The following ZNF728 variants were observed in gnomAD, a reference collection of about 807,000 sequenced individuals.
ZNF728 encodes the protein zinc finger protein 728.
ZNF728 carries 12 observed loss-of-function variants against 12.5 expected under a neutral mutation model. The observed-to-expected ratio is 0.96, with a 90% confidence interval of 0.61 to 1.55. The LOEUF is 1.55. ZNF728 is among the 40% of genes most tolerant of loss of function. The probability of loss-of-function intolerance (pLI) is 0.00; values close to 1 mark genes in which losing one functional copy is unlikely to be tolerated. For synonymous variants in ZNF728, 205 were observed against 240.7 expected, an observed-to-expected ratio of 0.85 and a Z score of 1.37; for missense variants, 692 against 719.2, an observed-to-expected ratio of 0.96 and a Z score of 0.43.
chr19:22,975,940 C>G lies in ZNF728; in HGVS notation c.1397G>C (p.Ser466Thr). The change falls in exon 4 of 4, where the codon AGC becomes ACC. Residue 466 changes from serine (S) to threonine (T), a missense_variant. Physicochemically the swap from Ser to Thr is moderately conservative, Grantham distance 58. This residue lies in a region of ZNF728 where 244 missense variants were observed against 235.2 expected (regional missense o/e 1.04). Coordinates refer to ENST00000594710, the MANE Select transcript of ZNF728 (RefSeq NM_001267716.2). Reference protein sequence around the residue: ...ECGKVFSWSSSLTTHKAIHAG... With the variant: ...ECGKVFSWSSTLTTHKAIHAG... ...ATGAATTGCCTTATGTGTAGTAAGG[C>G]TTGAGGACCAGCTGAAGACTTTGCC... is the stretch of plus-strand genomic sequence containing the variant. 6.2e-7 allele frequency: 1 copy of G among 1,603,936 alleles called. No homozygotes were observed. Among genetic ancestry groups the G allele is most frequent in the Non-Finnish European group, 8.5e-7 (1 of 1,173,734 alleles).
At chr19:22,979,336 A>G (rs1293212416) in intron 3 of ZNF728, among the ~76,000 whole-genome samples, 2 of 152,186 alleles carry the variant, frequency 1.3e-5, no homozygotes, top group African/African-American at 4.8e-5. Context: ...AAAGAAATGA[A>G]CAAAGCCTCC....
chr19:22,985,947 C>T (rs1968911840), intron 3 of ZNF728: 1 of 169,720 alleles, frequency 5.9e-6, no homozygotes, highest in African/African-American at 2.4e-5. Flanking sequence ...AGAAACCTGC[C>T]CTAGCATCTA....
intron 1 of ZNF728, among the ~76,000 whole-genome samples, chr19:22,997,897 A>G (rs1969065932): frequency 6.6e-6 from 1 of 152,116 alleles, no homozygotes; most frequent in Non-Finnish European, 1.5e-5. Flanking sequence ...TTCAAAGGAC[A>G]CAAATGTGGC....
At chr19:22,997,898 C>A (rs399132) in intron 1 of ZNF728, among the ~76,000 whole-genome samples, 46,288 of 151,566 alleles carry the variant, frequency 0.31, 9,127 homozygotes, top group African/African-American at 0.57. Flanking sequence ...TCAAAGGACA[C>A]AAATGTGGCT....
intron 3 of ZNF728, among the ~76,000 whole-genome samples, chr19:22,984,825 A>C (rs1968898796): frequency 1.3e-5 from 2 of 152,020 alleles, no homozygotes; most frequent in African/African-American, 4.8e-5. Context: ...AGTTCCCAAC[A>C]ATCTTAAAAT....
At position 22,976,070 on chromosome 19, in the gene ZNF728, G is replaced by T. The variant is rs1399842680; in HGVS notation, c.1267C>A (p.Pro423Thr). Reference sequence around the variant, plus strand: ...TTGCCACATTCTTCACATTTGTAGGGTTTCTCTCCAGTATGAATTATCTTA... The same window carrying T: ...TTGCCACATTCTTCACATTTGTAGGTTTTCTCTCCAGTATGAATTATCTTA... ...KHKIIHTGEK[P>T]YKCEECGKAF... is the part of the protein sequence containing the mutation. Residue 423 changes from proline (P) to threonine (T), a missense_variant, in exon 4 of 4, where the codon CCC becomes ACC. Transcript: ENST00000594710. 8.1e-6 allele frequency: 13 copies of T among 1,612,268 alleles called. No individual in the cohort carries two copies. The highest frequency in any genetic ancestry group is 1.3e-5 in the African/African-American group (1 of 74,994).
intron 3 of ZNF728, among the ~76,000 whole-genome samples, chr19:22,978,615 C>T (rs1968830309): frequency 6.6e-6 from 1 of 152,160 alleles, no homozygotes; most frequent in Non-Finnish European, 1.5e-5. Context: ...AGAGCTCTGG[C>T]TGGCATCTGG....
rs1298507748 is a variant in ZNF728, at chr19:23,002,854, A to C, written c.3+174T>G. 2.6e-5 allele frequency among the ~76,000 whole-genome samples: 4 copies of C among 152,342 alleles called. No homozygotes were observed. The East Asian group carries it at 7.7e-4, about 30-fold the overall frequency. On this transcript the variant is annotated intron_variant, in intron 1 of 3. Transcript: ENST00000594710. ...ACAGGACGCCCGGGGACCGGGTGTC[A>C]GCGCAGCCGCCATCTTATGCCTGAA...
chr19:22,978,212 A>T (rs1021107678), intron 3 of ZNF728, among the ~76,000 whole-genome samples: 12 of 151,842 alleles, frequency 7.9e-5, no homozygotes, highest in Non-Finnish European at 1.5e-4. Context: ...GATAAAAGTG[A>T]TTTGCAAACA....
chr19:22,987,959 G>C (rs537972655), intron 2 of ZNF728, among the ~76,000 whole-genome samples: 1 of 152,154 alleles, frequency 6.6e-6, no homozygotes, highest in Non-Finnish European at 1.5e-5. Context: ...ATTCGCTTCT[G>C]CTCCTGCCGC....
chr19:22,976,156 T>G lies in ZNF728; in HGVS notation c.1181A>C (p.Lys394Thr), dbSNP rs17172932. 1,002 of 1,613,444 alleles carry G rather than the reference T, an allele frequency of 6.2e-4. 4 individuals carry two copies. In the African/African-American group the frequency reaches 0.012, roughly 20 times the overall value. Residue 394 changes from lysine (K) to threonine (T), a missense_variant, in exon 4 of 4, where the codon AAA (lysine) becomes ACA (threonine). Lys to Thr is a moderately conservative substitution (Grantham distance 78, BLOSUM62 -1). This residue lies in a region of ZNF728 where 440 missense variants were observed against 459.6 expected (regional missense o/e 0.96). Coordinates refer to ENST00000594710, the MANE Select transcript of ZNF728 (RefSeq NM_001267716.2). ...TEHKRIHAGD[K>T]PYKCEECGKT... ...GCCACATTCTTCACATTTGTAAGGT[T>G]TGTCTCCAGCATGAATTCTCTTGTG...
chr19:22,987,988 C>T (rs1398383930), intron 2 of ZNF728, among the ~76,000 whole-genome samples: 1 of 152,168 alleles, frequency 6.6e-6, no homozygotes, highest in Non-Finnish European at 1.5e-5. Flanking sequence ...ACACTAAGGA[C>T]AGTCACCCCC....
chr19:23,000,042 T>C (rs372892127), intron 1 of ZNF728, among the ~76,000 whole-genome samples: 2 of 152,146 alleles, frequency 1.3e-5, no homozygotes, highest in Admixed American at 6.5e-5. Flanking sequence ...AAAAGCTAGA[T>C]GGAATTCTGT....
In ZNF728 at chr19:22,975,395, G is replaced by A. The variant is rs1968781715; in HGVS notation, c.*73C>T. The stretch of plus-strand genomic sequence containing the variant: ...ATTTGCCACATTCTTCACATTTGTA[G>A]GGTTTCCCTCCTGTATAAATACCCT... On this transcript the variant is annotated 3_prime_UTR_variant, in exon 4 of 4. Transcript: ENST00000594710. 1.7e-5 allele frequency: 24 copies of A among 1,394,362 alleles called. No individual in the cohort carries two copies. The South Asian group carries it at 2.8e-4, about 16-fold the overall frequency. 86.4% of individuals were successfully genotyped at this position (1,394,362 alleles called of 1,614,324 possible). A position where few individuals can be genotyped will look rare whatever the true frequency, so the allele number is the denominator to read the frequency against.
chr19:22,981,270 G>C (rs1338377518), intron 3 of ZNF728, among the ~76,000 whole-genome samples: 2 of 152,130 alleles, frequency 1.3e-5, no homozygotes, highest in African/African-American at 4.8e-5. Context: ...AAATAAACTA[G>C]AAAATCTAGA....
chr19:22,987,062 C>T (rs1479901032), intron 3 of ZNF728, among the ~76,000 whole-genome samples: 1 of 152,190 alleles, frequency 6.6e-6, no homozygotes, highest in East Asian at 1.9e-4. Context: ...ATGCCATGAA[C>T]AGTACTTTGG....
Position 22,975,520 on chromosome 19 carries a change from T to C in ZNF728, c.1817A>G (p.His606Arg). 1 of 1,566,146 alleles carries C rather than the reference T, an allele frequency of 6.4e-7. No homozygotes were observed. Among genetic ancestry groups the C allele is most frequent in the Non-Finnish European group, 8.6e-7 (1 of 1,158,118 alleles). ...ECGKDFNQSS[H>R]LTTHKRIHTG... ...ATGAATTCTCTTATGAGTAGTAAGGTGTGAGGATTGGTTGAAGTCTTTACC... is the reference window on the plus strand; with the variant it reads ...ATGAATTCTCTTATGAGTAGTAAGGCGTGAGGATTGGTTGAAGTCTTTACC... Residue 606 changes from histidine (H) to arginine (R), a missense_variant, in exon 4 of 4, where the codon CAC becomes CGC. Physicochemically the swap from His to Arg is conservative, Grantham distance 29. Transcript: ENST00000594710.
At position 22,975,869 on chromosome 19, in the gene ZNF728, T is replaced by TA. The variant is rs1968790193; in HGVS notation, c.1467dup (p.Lys490Ter). 1 of 1,612,104 alleles carries TA rather than the reference T, an allele frequency of 6.2e-7. No individual in the cohort carries two copies. The highest frequency in any genetic ancestry group is 1.1e-5 in the South Asian group (1 of 91,054). The stretch of plus-strand genomic sequence containing the variant: ...TGTTCCATAAGGTTTGAGGACCACT[T>TA]AAAGGCTTTGCCACATTCTTCACAT... On this transcript the variant is annotated frameshift_variant, in exon 4 of 4. Transcript: ENST00000594710. LOFTEE classifies it low-confidence loss of function (END_TRUNC).
At chr19:23,000,029 T>C (rs369450621) in intron 1 of ZNF728, among the ~76,000 whole-genome samples, 12 of 152,194 alleles carry the variant, frequency 7.9e-5, no homozygotes, top group African/African-American at 2.6e-4. Flanking sequence ...TAGCTAACAT[T>C]CTAAAAGCTA....
Sources: gnomAD v4.1 joint callset for allele counts (sites outside exome capture counted in the v4.1 genomes callset) on GRCh38, gnomAD v4.1.1 for gene constraint, gnomAD v4.1.1 regional missense constraint, MANE v1.5 for transcripts, NCBI Gene and HGNC (gene_info 2026-07-23, HGNC 2026-07-21) for gene names.